The following ZNF766 variants were observed in gnomAD, a reference collection of about 807,000 sequenced individuals.
The protein encoded by ZNF766 is zinc finger protein 766.
ZNF766 carries 13 observed loss-of-function variants against 13.2 expected under a neutral mutation model. That is an observed-to-expected ratio of 0.98 (90% CI 0.64 to 1.56). The LOEUF is 1.56. ZNF766 is among the 40% of genes most tolerant of loss of function. ZNF766 has a pLI of 0.00. For missense variants in ZNF766, 521 were observed against 552.2 expected, an observed-to-expected ratio of 0.94 and a Z score of 0.57; for synonymous variants, 178 against 187.6, an observed-to-expected ratio of 0.95 and a Z score of 0.42.
chr19:52,276,316 A>G (rs1006231333), intron 1 of ZNF766, among the ~76,000 whole-genome samples: 1 of 152,112 alleles, frequency 6.6e-6, no homozygotes, highest in African/African-American at 2.4e-5. Flanking sequence ...TGCTATGTAA[A>G]TGCTTGTTAT....
Position 52,283,423 on chromosome 19 carries a change from C to A in ZNF766, c.274+10C>A. 1.9e-6 allele frequency: 3 copies of A among 1,555,152 alleles called. No homozygotes were observed. Among genetic ancestry groups the A allele is most frequent in the Non-Finnish European group, 8.7e-7 (1 of 1,153,498 alleles). ...AAAGATATCAACACAGGTAAGAGCT[C>A]AGATGGACAGAGTGAAAGCCACACT... On this transcript the variant is annotated intron_variant, in intron 3 of 3. Transcript: ENST00000439461.
At chr19:52,281,188 A>G (rs1981496434) in intron 1 of ZNF766, among the ~76,000 whole-genome samples, 6 of 151,742 alleles carry the variant, frequency 4.0e-5, no homozygotes, top group Admixed American at 3.9e-4. Flanking sequence ...AACAGTTGAA[A>G]TTACATCTGA....
chr19:52,288,828 T>G, intron 3 of ZNF766, among the ~76,000 whole-genome samples: 1 of 151,858 alleles, frequency 6.6e-6, no homozygotes, highest in Non-Finnish European at 1.5e-5. Context: ...TTCCTTTTAT[T>G]TTATTTTTAT....
chr19:52,275,376 T>C (rs1163856227), intron 1 of ZNF766, among the ~76,000 whole-genome samples: 2 of 152,246 alleles, frequency 1.3e-5, no homozygotes, highest in African/African-American at 2.4e-5. Flanking sequence ...TAAGCTGTTA[T>C]TGCAAAAGAA....
At chr19:52,276,790 G>A (rs553758260) in intron 1 of ZNF766, among the ~76,000 whole-genome samples, 1 of 152,218 alleles carries the variant, frequency 6.6e-6, no homozygotes, top group South Asian at 2.1e-4. Context: ...CACCGAAGCC[G>A]TGTTCTCATT....
At chr19:52,282,035 A>G in intron 1 of ZNF766, 76 bp from the exon 2 acceptor site, 1 of 1,544,792 alleles carries the variant, frequency 6.5e-7, no homozygotes, top group Non-Finnish European at 8.8e-7. Context: ...GTCAGTCCTT[A>G]CAACCCTCTT....
chr19:52,282,036 C>G, intron 1 of ZNF766, 75 bp from the exon 2 acceptor site: 5 of 1,544,366 alleles, frequency 3.2e-6, no homozygotes, highest in Non-Finnish European at 4.4e-6. Flanking sequence ...TCAGTCCTTA[C>G]AACCCTCTTC....
Position 52,290,540 on chromosome 19 carries a change from A to G in ZNF766, c.749A>G (p.Lys250Arg). 6.2e-7 allele frequency: 1 copy of G among 1,614,190 alleles called. No individual in the cohort carries two copies. The highest frequency in any genetic ancestry group is 8.5e-7 in the Non-Finnish European group (1 of 1,180,024). The change falls in exon 4 of 4, where the codon AAG becomes AGG. Residue 250 changes from lysine to arginine, a missense_variant. Transcript: ENST00000439461. ...EKPYKCKECG[K>R]LFNRIAYLAR... ...CCTTACAAATGTAAAGAGTGTGGCA[A>G]GCTCTTCAATCGAATTGCATACCTT... is the stretch of plus-strand genomic sequence containing the variant.
Position 52,292,972 on chromosome 19 carries a change from C to G in ZNF766, c.*1774C>G, listed in dbSNP as rs973746632. ...TAATGTTATCCCTCTGCCAGCCCCC[C>G]ACCCCCCGACAGGCCCCGGTGTGTG... On this transcript the variant is annotated 3_prime_UTR_variant, in exon 4 of 4. Transcript: ENST00000439461. The G allele has an allele frequency of 6.6e-6, 1 of 152,046 alleles. No individual in the cohort carries two copies. 9.4% of individuals were successfully genotyped at this position (152,046 alleles called of 1,614,324 possible). A position where few individuals can be genotyped will look rare whatever the true frequency, so the allele number is the denominator to read the frequency against.
In ZNF766 at chr19:52,290,710, G is replaced by T. The variant is rs1982094019; in HGVS notation, c.919G>T (p.Val307Phe). The change falls in exon 4 of 4, where the codon GTT becomes TTT. Residue 307 changes from valine (V) to phenylalanine (F), a missense_variant. Coordinates refer to ENST00000439461, the MANE Select transcript of ZNF766 (RefSeq NM_001010851.3). ...KPHKCNKCGK[V>F]YSSSSYLAQH... ...TCATAAATGTAACAAATGTGGCAAG[G>T]TTTATAGTAGCAGTTCATACCTAGC... 1 of 1,613,786 alleles carries T rather than the reference G, an allele frequency of 6.2e-7. No homozygotes were observed. Among genetic ancestry groups the T allele is most frequent in the African/African-American group, 1.3e-5 (1 of 74,914 alleles).
intron 1 of ZNF766, chr19:52,281,450 C>G (rs946492888): frequency 3.6e-6 from 1 of 279,190 alleles, no homozygotes; most frequent in Admixed American, 5.1e-5. Context: ...ACCTAGGAGG[C>G]GGAGGTTGCA....
chr19:52,283,550 G>C lies in ZNF766; in HGVS notation c.274+137G>C. The C allele has an allele frequency of 5.1e-6, 6 of 1,183,564 alleles. No individual in the cohort carries two copies. In the South Asian group the frequency reaches 5.4e-5, roughly 11 times the overall value. The allele number at this position is 1,183,564 out of a possible 1,614,324, so 73.3% of individuals were successfully genotyped here. A position where few individuals can be genotyped will look rare whatever the true frequency, so the allele number is the denominator to read the frequency against. ...ACTCCTGGGCTTCAACAGTCCTCCTGCTTTGGCCTCCCAAAGTGATGTGAT... is the reference window on the plus strand; with the variant it reads ...ACTCCTGGGCTTCAACAGTCCTCCTCCTTTGGCCTCCCAAAGTGATGTGAT... On this transcript the variant is annotated intron_variant, in intron 3 of 3. Coordinates refer to ENST00000439461, the MANE Select transcript of ZNF766 (RefSeq NM_001010851.3).
intron 3 of ZNF766, among the ~76,000 whole-genome samples, chr19:52,284,578 A>G (rs1263842516): frequency 6.6e-6 from 1 of 152,052 alleles, no homozygotes; most frequent in African/African-American, 2.4e-5. Context: ...GTTTCCTGCA[A>G]TTCATTGGTG....
intron 1 of ZNF766, chr19:52,281,712 G>T: frequency 8.9e-6 from 4 of 448,606 alleles, no homozygotes; most frequent in South Asian, 6.7e-5. Flanking sequence ...TTACTTAACT[G>T]CTTGATTCTT....
intron 1 of ZNF766, among the ~76,000 whole-genome samples, chr19:52,273,922 C>T (rs1445702007): frequency 6.6e-6 from 1 of 152,200 alleles, no homozygotes; most frequent in African/African-American, 2.4e-5. Context: ...CATTCACATA[C>T]TCAGGTTGGG....
chr19:52,291,006 C>T lies in ZNF766; in HGVS notation c.1215C>T (p.His405=). 1.2e-6 allele frequency: 2 copies of T among 1,613,568 alleles called. No individual in the cohort carries two copies. Among genetic ancestry groups the T allele is most frequent in the Non-Finnish European group, 1.7e-6 (2 of 1,179,912 alleles). The change falls in exon 4 of 4, where the codon CAC becomes CAT. Residue 405 remains histidine (H), a synonymous_variant. Transcript: ENST00000439461. The stretch of plus-strand genomic sequence containing the variant: ...ATCTTGCACGACATCAGAAAATTCA[C>T]ACTGGAGAGAAACCTTACAAATGTA... ...VSHLARHQKI[H]TGEKPYKCNE...
intron 2 of ZNF766, among the ~76,000 whole-genome samples, chr19:52,282,896 GCAGA>G (rs1181113867): frequency 1.3e-5 from 2 of 152,188 alleles, no homozygotes; most frequent in Admixed American, 6.5e-5. Flanking sequence ...GCATTCAGAA[GCAGA>G]CAGTCTGTGG....
chr19:52,281,990 A>T (rs1037730054), intron 1 of ZNF766, 121 bp from the exon 2 acceptor site: 19 of 1,175,228 alleles, frequency 1.6e-5, no homozygotes, highest in East Asian at 7.9e-5. Context: ...CTTAATGTGG[A>T]TATGTCAGAA....
chr19:52,269,699 TG>T, intron 1 of ZNF766, 68 bp downstream of exon 1: 3 of 1,592,418 alleles, frequency 1.9e-6, no homozygotes. Context: ...ACCCGGGATG[TG>T]GGGGGCGGTA....
Sources: gnomAD v4.1 joint callset for allele counts (sites outside exome capture counted in the v4.1 genomes callset) on GRCh38, gnomAD v4.1.1 for gene constraint, MANE v1.5 for transcripts, NCBI Gene and HGNC (gene_info 2026-07-23, HGNC 2026-07-21) for gene names.